Variants in CCDC30 observed in about 807,000 individuals in gnomAD.
The protein encoded by CCDC30 is coiled-coil domain containing 30.
Under a neutral mutation model 100.2 loss-of-function variants are expected in CCDC30, and 70 were observed. The ratio of observed to expected loss-of-function variants is 0.70; its 90% CI spans 0.58 to 0.85. The LOEUF (loss-of-function observed/expected upper bound fraction) is 0.85, where lower values mean the gene tolerates loss of function less well. Ranked by LOEUF, CCDC30 falls within the 40% of genes least tolerant of loss-of-function variation. The pLI, the probability that CCDC30 is intolerant of heterozygous loss-of-function variation, is 0.00. For missense variants in CCDC30, 652 were observed against 771.2 expected (o/e 0.85, Z 1.83); for synonymous variants, 233 against 269.5 (o/e 0.86, Z 1.33).
intron 6 of CCDC30, among the ~76,000 whole-genome samples, chr1:42,522,710 T>TA (rs1416325016): frequency 2.5e-4 from 38 of 152,168 alleles, no homozygotes; most frequent in African/African-American, 8.4e-4. Flanking sequence ...AACTAACAAC[T>TA]AAAAAATAAA....
At chr1:42,464,567 AAAAT>A (rs1375805363) in intron 1 of CCDC30, among the ~76,000 whole-genome samples, 1 of 152,244 alleles carries the variant, frequency 6.6e-6, no homozygotes, top group Non-Finnish European at 1.5e-5. Flanking sequence ...GGAGTGATTG[AAAAT>A]AAATATTTTT....
chr1:42,636,965 C>CAAAAAAAA (rs1166253995), intron 11 of CCDC30, among the ~76,000 whole-genome samples: 516 of 29,504 alleles, frequency 0.017, 55 homozygotes, highest in East Asian at 0.029. Flanking sequence ...GACTCCATCT[C>CAAAAAAAA]AAAAAAAAAA....
intron 7 of CCDC30, among the ~76,000 whole-genome samples, chr1:42,569,894 C>T (rs1219328162): frequency 3.3e-5 from 5 of 152,176 alleles, no homozygotes; most frequent in South Asian, 2.1e-4. Flanking sequence ...CCAAACACTG[C>T]GTGTTCTCAC....
chr1:42,482,443 AT>A (rs1360251578), intron 2 of CCDC30, among the ~76,000 whole-genome samples: 2 of 152,116 alleles, frequency 1.3e-5, no homozygotes, highest in African/African-American at 4.8e-5. Flanking sequence ...CCAAATATTT[AT>A]AAGTAAAAGC....
intron 1 of CCDC30, among the ~76,000 whole-genome samples, chr1:42,477,447 C>A (rs1643896395): frequency 6.6e-6 from 1 of 152,148 alleles, no homozygotes; most frequent in Non-Finnish European, 1.5e-5. Flanking sequence ...CCAGGATGAT[C>A]TTGATCTCTT....
intron 7 of CCDC30, among the ~76,000 whole-genome samples, chr1:42,567,843 T>C (rs1394402270): frequency 6.6e-6 from 1 of 152,196 alleles, no homozygotes; most frequent in South Asian, 2.1e-4. Flanking sequence ...TAAATATTTA[T>C]TGGATTAATG....
At chr1:42,612,020 A>G (rs891676642) in intron 11 of CCDC30, among the ~76,000 whole-genome samples, 2 of 152,188 alleles carry the variant, frequency 1.3e-5, no homozygotes, top group Admixed American at 1.3e-4. Context: ...GAATGAAACA[A>G]AACTTATGCA....
At chr1:42,530,576 T>G (rs1340239578) in intron 6 of CCDC30, among the ~76,000 whole-genome samples, 1 of 152,110 alleles carries the variant, frequency 6.6e-6, no homozygotes, top group African/African-American at 2.4e-5. Flanking sequence ...TTTGGGAGGC[T>G]GAGGTAGGAG....
At chr1:42,544,472 G>A (rs1287420282) in intron 6 of CCDC30, among the ~76,000 whole-genome samples, 1 of 152,188 alleles carries the variant, frequency 6.6e-6, no homozygotes, top group Non-Finnish European at 1.5e-5. Context: ...ACTCAGGGTA[G>A]GGGCTACAAT....
At chr1:42,635,599 G>A (rs4606350) in intron 11 of CCDC30, among the ~76,000 whole-genome samples, 20,177 of 151,454 alleles carry the variant, frequency 0.13, 1,543 homozygotes, top group East Asian at 0.28. Context: ...CACGAGGTCA[G>A]GAGATTGAGA....
At chr1:42,556,463 A>G (rs1645372699) in intron 6 of CCDC30, 58 bp downstream of exon 10, 5 of 1,505,210 alleles carry the variant, frequency 3.3e-6, no homozygotes, top group Non-Finnish European at 4.4e-6. Context: ...GGCTGTGGAT[A>G]TAAGCATCAT....
chr1:42,503,977 G>C lies in CCDC30; in HGVS notation c.456+5061G>C, dbSNP rs192855446. 5.8e-4 allele frequency among the ~76,000 whole-genome samples: 88 copies of C among 152,322 alleles called. 1 individual carries two copies. Among genetic ancestry groups the C allele is most frequent in the African/African-American group, 1.9e-3 (80 of 41,572 alleles). On this transcript the variant is annotated intron_variant, in intron 6 of 16. Transcript: ENST00000668663. ...AAGCAGGGGTCTCACAGCCTTCAGA[G>C]CTGAGAGCCCCGAACAGAGATTTAC...
the CCDC30 span, chr1:42,456,767 A>G: frequency 6.2e-7 from 1 of 1,612,352 alleles, no homozygotes. Context: ...GCGCGGTGCA[A>G]CCTCGGCCGA....
chr1:42,506,944 T>A (rs550044768), intron 6 of CCDC30, among the ~76,000 whole-genome samples: 4 of 152,256 alleles, frequency 2.6e-5, no homozygotes, highest in African/African-American at 9.6e-5. Context: ...CCATTTTTTT[T>A]AGATGGAATT....
At chr1:42,502,854 A>G (rs909266466) in intron 6 of CCDC30, among the ~76,000 whole-genome samples, 3 of 152,140 alleles carry the variant, frequency 2.0e-5, no homozygotes, top group African/African-American at 7.2e-5. Flanking sequence ...ATATTGTAGT[A>G]TGAATTAGTA....
chr1:42,548,669 T>C (rs1301815730), intron 6 of CCDC30, among the ~76,000 whole-genome samples: 1 of 152,040 alleles, frequency 6.6e-6, no homozygotes, highest in African/African-American at 2.4e-5. Context: ...ATGCAATTAG[T>C]TGACAAAATA....
chr1:42,592,513 G>A (rs946446678), intron 10 of CCDC30: 2 of 152,150 alleles, frequency 1.3e-5, no homozygotes, highest in African/African-American at 2.4e-5. Flanking sequence ...AGGAGTTTGA[G>A]ACCAGCCTTG....
chr1:42,536,944 C>T, intron 6 of CCDC30: 1 of 355,268 alleles, frequency 2.8e-6, no homozygotes, highest in South Asian at 2.4e-5. Context: ...AAGGCCCCAC[C>T]CTTATATCCT....
intron 12 of CCDC30, among the ~76,000 whole-genome samples, chr1:42,642,035 C>G (rs563421134): frequency 6.6e-6 from 1 of 152,060 alleles, no homozygotes; most frequent in Admixed American, 6.6e-5. Flanking sequence ...ACCATCCTGG[C>G]TAACACGGTG....
Sources: allele counts gnomAD v4.1 joint callset (sites outside exome capture counted in the v4.1 genomes callset), GRCh38; gene constraint gnomAD v4.1.1; transcripts MANE v1.5; gene names NCBI Gene and HGNC (gene_info 2026-07-23, HGNC 2026-07-21).